Variants in ZFAT observed in about 807,000 individuals in gnomAD.
The protein encoded by ZFAT is zinc finger and AT-hook domain containing, also known as zinc finger protein ZFAT.
ZFAT carries 64 observed loss-of-function variants against 117.7 expected under a neutral mutation model. The observed-to-expected ratio is 0.54, with a 90% CI of 0.44 to 0.67. The LOEUF (loss-of-function observed/expected upper bound fraction) is 0.67. Among genes scored for constraint, ZFAT ranks in the 30% least tolerant of loss-of-function variants. The probability of loss-of-function intolerance (pLI) is 0.00; values close to 1 mark genes in which losing one functional copy is unlikely to be tolerated. For missense variants in ZFAT, 1,433 were observed against 1,584.5 expected (o/e 0.90, Z 1.62); for synonymous variants, 679 against 615.0 (o/e 1.10, Z -1.54).
At chr8:134,499,969 C>T (rs28676308) in intron 15 of ZFAT, among the ~76,000 whole-genome samples, 3 of 152,164 alleles carry the variant, frequency 2.0e-5, no homozygotes, top group East Asian at 1.9e-4. Context: ...GGAATCCCTC[C>T]GGCCAGGATG....
At chr8:134,495,416 C>T (rs1818361580) in intron 15 of ZFAT, among the ~76,000 whole-genome samples, 1 of 152,138 alleles carries the variant, frequency 6.6e-6, no homozygotes, top group Admixed American at 6.5e-5. Context: ...TCTCCAAATA[C>T]CATCATTTTG....
At chr8:134,684,134 G>C (rs1182004905) in intron 1 of ZFAT, among the ~76,000 whole-genome samples, 1 of 152,092 alleles carries the variant, frequency 6.6e-6, no homozygotes, top group Non-Finnish European at 1.5e-5. Flanking sequence ...ACGAGAAAGA[G>C]AGAGTACAGG....
At chr8:134,710,208 C>T (rs998076101) in intron 1 of ZFAT, among the ~76,000 whole-genome samples, 12 of 152,140 alleles carry the variant, frequency 7.9e-5, no homozygotes, top group African/African-American at 2.2e-4. Context: ...AGATATTTCA[C>T]GTTTATCAAA....
chr8:134,550,325 A>AAAAAAAAAAAAACAAC (rs1554643709), intron 11 of ZFAT, among the ~76,000 whole-genome samples: 2 of 150,536 alleles, frequency 1.3e-5, no homozygotes, highest in African/African-American at 5.0e-5. Context: ...AAAAAAAAAA[A>AAAAAAAAAAAAACAAC]AAAAAAACAG....
At chr8:134,816,600 C>T in the ZFAT span, among the ~76,000 whole-genome samples, 1 of 152,112 alleles carries the variant, frequency 6.6e-6, no homozygotes, top group East Asian at 1.9e-4. Context: ...GAAAAGGCTG[C>T]TAGTCATATG....
rs539692486 is a variant in ZFAT at position 134,541,010 on chromosome 8, C to T, written c.2977-8038G>A. Among the ~76,000 whole-genome samples the T allele has an allele frequency of 4.9e-4, 75 of 152,258 alleles. No individual in the cohort carries two copies. In the South Asian group the frequency reaches 0.015, roughly 30 times the overall value. On this transcript the variant is annotated intron_variant, in intron 11 of 15. Coordinates refer to ENST00000377838, the MANE Select transcript of ZFAT (RefSeq NM_020863.4). ...ACCAGAGGGGAGAGGGGCCAGTTCT[C>T]GTAGGCCCAGCAGGACTCCGGGCCC...
At chr8:134,647,300 A>G (rs1488464313) in intron 2 of ZFAT, among the ~76,000 whole-genome samples, 2 of 152,228 alleles carry the variant, frequency 1.3e-5, no homozygotes, top group Non-Finnish European at 2.9e-5. Context: ...AGTATGGGGA[A>G]AAGTTTGACA....
intron 14 of ZFAT, among the ~76,000 whole-genome samples, chr8:134,511,250 T>TGG (rs1439109912): frequency 6.6e-6 from 1 of 150,928 alleles, no homozygotes; most frequent in East Asian, 1.9e-4. Context: ...AGAGTGTGTG[T>TGG]GGGGGGTGTG....
chr8:134,641,552 G>A (rs1830582298), intron 2 of ZFAT, among the ~76,000 whole-genome samples: 1 of 152,202 alleles, frequency 6.6e-6, no homozygotes. Flanking sequence ...CACACACGTA[G>A]GGTGTGTATG....
intron 11 of ZFAT, among the ~76,000 whole-genome samples, chr8:134,541,936 T>C (rs772936991): frequency 4.6e-5 from 7 of 152,234 alleles, no homozygotes; most frequent in Admixed American, 6.5e-5. Context: ...TAAATCCTTT[T>C]ACCTCATTCA....
At chr8:134,496,355 C>A (rs1654966356) in intron 15 of ZFAT, among the ~76,000 whole-genome samples, 1 of 152,236 alleles carries the variant, frequency 6.6e-6, no homozygotes, top group Admixed American at 6.5e-5. Flanking sequence ...ACTGGCTGTG[C>A]CAAGGACTCC....
chr8:134,482,371 C>G (rs146353094), intron 15 of ZFAT, among the ~76,000 whole-genome samples: 1 of 152,162 alleles, frequency 6.6e-6, no homozygotes, highest in African/African-American at 2.4e-5. Context: ...AGTTCGCAGG[C>G]GGATCTTGAA....
intron 7 of ZFAT, chr8:134,599,436 T>A (rs561405011): frequency 2.6e-5 from 6 of 235,232 alleles, no homozygotes; most frequent in East Asian, 1.3e-4. Flanking sequence ...ATAGATTTTT[T>A]AAAAATATGT....
chr8:134,750,606 T>C, the ZFAT span, among the ~76,000 whole-genome samples: 2 of 152,176 alleles, frequency 1.3e-5, no homozygotes, highest in Admixed American at 1.3e-4. Flanking sequence ...ATATGTTGTT[T>C]TGAAATATGT....
intron 10 of ZFAT, among the ~76,000 whole-genome samples, chr8:134,580,310 A>G (rs1478883007): frequency 6.6e-6 from 1 of 152,216 alleles, no homozygotes; most frequent in Non-Finnish European, 1.5e-5. Flanking sequence ...CTCATACCAC[A>G]AATACAACTA....
At chr8:134,620,428 C>A (rs1006427627) in intron 3 of ZFAT, among the ~76,000 whole-genome samples, 2 of 152,200 alleles carry the variant, frequency 1.3e-5, no homozygotes, top group African/African-American at 4.8e-5. Context: ...GTGCAACAGG[C>A]TGCTGCTCTG....
At chr8:134,764,074 A>G in the ZFAT span, among the ~76,000 whole-genome samples, 7 of 152,246 alleles carry the variant, frequency 4.6e-5, no homozygotes, top group Admixed American at 3.9e-4. Context: ...TTAAATAAAT[A>G]TAAAATAATT....
chr8:134,515,515 G>C (rs1166760940), intron 13 of ZFAT, among the ~76,000 whole-genome samples: 1 of 152,224 alleles, frequency 6.6e-6, no homozygotes, highest in Admixed American at 6.5e-5. Context: ...ACTGGCGTGA[G>C]ATGGTATCTC....
intron 1 of ZFAT, among the ~76,000 whole-genome samples, chr8:134,661,549 C>G (rs1831933537): frequency 2.0e-5 from 3 of 152,160 alleles, no homozygotes; most frequent in Admixed American, 2.0e-4. Flanking sequence ...GCCTTGGACA[C>G]CTCAGTGCAC....
Sources: allele counts gnomAD v4.1 joint callset (sites outside exome capture counted in the v4.1 genomes callset), GRCh38; gene constraint gnomAD v4.1.1; transcripts MANE v1.5; gene names NCBI Gene and HGNC (gene_info 2026-07-23, HGNC 2026-07-21).